Variants in GRM1 observed in about 807,000 individuals in gnomAD.
The protein encoded by GRM1 is glutamate metabotropic receptor 1.
Under a neutral mutation model 90.9 loss-of-function variants are expected in GRM1, and 33 were observed. That is an observed-to-expected ratio of 0.36 (90% confidence interval 0.28 to 0.49). The LOEUF (loss-of-function observed/expected upper bound fraction) is 0.49. Among genes scored for constraint, GRM1 ranks in the 20% least tolerant of loss-of-function variants. The probability of loss-of-function intolerance (pLI) is 0.99; values close to 1 mark genes in which losing one functional copy is unlikely to be tolerated. For missense variants in GRM1, 1,190 were observed against 1,534.3 expected, an observed-to-expected ratio of 0.78 and a Z score of 3.75; for synonymous variants, 700 against 613.2, an observed-to-expected ratio of 1.14 and a Z score of -2.09.
At chr6:146,411,155 G>T (rs1466629350) in intron 7 of GRM1, among the ~76,000 whole-genome samples, 1 of 152,198 alleles carries the variant, frequency 6.6e-6, no homozygotes, top group Non-Finnish European at 1.5e-5. Context: ...GTGTTTCTAT[G>T]AGAAGTACGG....
intron 2 of GRM1, among the ~76,000 whole-genome samples, chr6:146,165,537 G>A (rs568511621): frequency 2.8e-4 from 43 of 152,246 alleles, no homozygotes; most frequent in Middle Eastern, 6.8e-3. Flanking sequence ...CAGCAAGGCA[G>A]ATAAGCATTT....
At position 146,352,401 on chromosome 6, in the gene GRM1, C is replaced by A; in HGVS notation, c.1338C>A (p.Asp446Glu). Residue 446 changes from aspartate (D) to glutamate (E), a missense_variant, in exon 4 of 8, where the codon GAC (aspartate) becomes GAA (glutamate). Physicochemically the swap from Asp to Glu is conservative, Grantham distance 45. Coordinates refer to ENST00000282753, the MANE Select transcript of GRM1 (RefSeq NM_001278064.2). Reference protein sequence around the residue: ...VGLCDAMKPIDGSKLLDFLIK... With the variant: ...VGLCDAMKPIEGSKLLDFLIK... ...TCTGCGATGCCATGAAGCCCATCGA[C>A]GGCAGCAAGCTGCTGGACTTCCTCA... The A allele has an allele frequency of 6.2e-7, 1 of 1,614,070 alleles. No individual in the cohort carries two copies. The highest frequency in any genetic ancestry group is 8.5e-7 in the Non-Finnish European group (1 of 1,179,882).
intron 2 of GRM1, among the ~76,000 whole-genome samples, chr6:146,249,947 A>T (rs1396953498): frequency 6.6e-6 from 1 of 152,052 alleles, no homozygotes; most frequent in Non-Finnish European, 1.5e-5. Flanking sequence ...GTCAAAGGAG[A>T]TTATTTTGGA....
Position 146,387,157 on chromosome 6 carries a change from A to G in GRM1, c.1729+141A>G. ...CTTTTTAGTCCTCATGTCAAGGAGT[A>G]TACATAAACCTCATAAGTTTTCTAT... On this transcript the variant is annotated intron_variant, in intron 6 of 7. Coordinates refer to ENST00000282753, the MANE Select transcript of GRM1 (RefSeq NM_001278064.2). 4.8e-6 allele frequency: 4 copies of G among 836,068 alleles called. No individual in the cohort carries two copies. The South Asian group carries it at 5.4e-5, about 11-fold the overall frequency. 51.8% of individuals were successfully genotyped at this position (836,068 alleles called of 1,614,324 possible). A position where few individuals can be genotyped will look rare whatever the true frequency, so the allele number is the denominator to read the frequency against.
At chr6:146,293,656 A>C (rs1469772806) in intron 2 of GRM1, among the ~76,000 whole-genome samples, 1 of 151,874 alleles carries the variant, frequency 6.6e-6, no homozygotes, top group African/African-American at 2.4e-5. Flanking sequence ...TCATTTTTTA[A>C]ATCTCTGGTT....
chr6:146,141,403 C>A (rs929923098), intron 1 of GRM1, among the ~76,000 whole-genome samples: 4 of 150,428 alleles, frequency 2.7e-5, no homozygotes, highest in African/African-American at 9.8e-5. Flanking sequence ...CTATAACTTT[C>A]TTGTACTTGA....
At chr6:146,241,862 T>C (rs1780877019) in intron 2 of GRM1, among the ~76,000 whole-genome samples, 1 of 152,142 alleles carries the variant, frequency 6.6e-6, no homozygotes, top group Non-Finnish European at 1.5e-5. Flanking sequence ...AGATAGTAAA[T>C]ATTCTGTTAC....
At chr6:146,187,495 A>G (rs1778775414) in intron 2 of GRM1, among the ~76,000 whole-genome samples, 1 of 152,030 alleles carries the variant, frequency 6.6e-6, no homozygotes, top group Non-Finnish European at 1.5e-5. Flanking sequence ...GCATTAAGGC[A>G]CATTTATAAA....
chr6:146,189,347 A>G (rs745793802), intron 2 of GRM1, among the ~76,000 whole-genome samples: 4 of 152,178 alleles, frequency 2.6e-5, no homozygotes, highest in Non-Finnish European at 4.4e-5. Context: ...CTCTGGGTTA[A>G]GCCACTATGA....
intron 3 of GRM1, among the ~76,000 whole-genome samples, chr6:146,323,172 G>A (rs1401052892): frequency 4.0e-5 from 6 of 151,572 alleles, no homozygotes; most frequent in African/African-American, 9.7e-5. Context: ...CTGAGGAATC[G>A]CCACAGTGGT....
rs79437447 is a variant in GRM1 at position 146,239,465 on chromosome 6, C to T, written c.951-65146C>T. On this transcript the variant is annotated intron_variant, in intron 2 of 7. Transcript: ENST00000282753. ...TCCCCATTGAACTGTGAGTTCCTTG[C>T]GGGCAAGTATTGTGTTCTACTCATC... 8.9e-3 allele frequency among the ~76,000 whole-genome samples: 1,358 copies of T among 152,140 alleles called. 19 individuals carry two copies. Among genetic ancestry groups the T allele is most frequent in the African/African-American group, 0.03 (1,248 of 41,524 alleles).
chr6:146,101,094 TA>T lies in GRM1; in HGVS notation c.701-58245del, dbSNP rs959847152. Among the ~76,000 whole-genome samples the T allele has an allele frequency of 3.8e-4, 57 of 151,750 alleles. 1 individual carries two copies. Among genetic ancestry groups the T allele is most frequent in the South Asian group, 1.5e-3 (7 of 4,800 alleles). On this transcript the variant is annotated intron_variant, in intron 1 of 7. Transcript: ENST00000282753. ...AATGACAAAGTGAGAACCTATCTCATAAAAAAAAATTCAGGAGAAATATTTA... is the reference window on the plus strand; with the variant it reads ...AATGACAAAGTGAGAACCTATCTCATAAAAAAAATTCAGGAGAAATATTTA...
chr6:146,255,974 C>T (rs1781463229), intron 2 of GRM1, among the ~76,000 whole-genome samples: 1 of 152,174 alleles, frequency 6.6e-6, no homozygotes, highest in Admixed American at 6.6e-5. Flanking sequence ...TGACACTATT[C>T]TGGTGCTTTG....
At position 146,281,289 on chromosome 6, in the gene GRM1, C is replaced by T. The variant is rs541231769; in HGVS notation, c.951-23322C>T. Among the ~76,000 whole-genome samples, 17 of 152,250 alleles carry T rather than the reference C, an allele frequency of 1.1e-4. No homozygotes were observed. The East Asian group carries it at 2.9e-3, about 26-fold the overall frequency. ...GAGACTCAGGGACCAGGATTCCAAC[C>T]ACAGCTCTGCTCCTGACTAGTTGTA... is the stretch of plus-strand genomic sequence containing the variant. On this transcript the variant is annotated intron_variant, in intron 2 of 7. Coordinates refer to ENST00000282753, the MANE Select transcript of GRM1 (RefSeq NM_001278064.2).
chr6:146,340,123 G>GA (rs1784916883), intron 3 of GRM1, among the ~76,000 whole-genome samples: 1 of 152,158 alleles, frequency 6.6e-6, no homozygotes, highest in Non-Finnish European at 1.5e-5. Context: ...GGGCACTACT[G>GA]AAAAATCAAT....
Position 146,086,308 on chromosome 6 carries a change from A to G in GRM1, c.700+56091A>G, listed in dbSNP as rs1342270405. ...TCACTGAATCGCACATGTCTGTTTA[A>G]AACTTCAGCTTTCTCTCTGAGGACA... On this transcript the variant is annotated intron_variant, in intron 1 of 7. Transcript: ENST00000282753. Among the ~76,000 whole-genome samples, 5 of 152,148 alleles carry G rather than the reference A, an allele frequency of 3.3e-5. 1 individual carries two copies. Among genetic ancestry groups the G allele is most frequent in the Admixed American group, 3.3e-4 (5 of 15,268 alleles).
At chr6:146,178,554 C>T (rs187515202) in intron 2 of GRM1, among the ~76,000 whole-genome samples, 20 of 152,168 alleles carry the variant, frequency 1.3e-4, no homozygotes, top group Admixed American at 1.2e-3. Flanking sequence ...TAATTTTGTG[C>T]ATGAAACAAA....
At chr6:146,065,564 A>G (rs1012126668) in intron 1 of GRM1, among the ~76,000 whole-genome samples, 1 of 152,196 alleles carries the variant, frequency 6.6e-6, no homozygotes, top group Non-Finnish European at 1.5e-5. Context: ...CATGATTACT[A>G]CCCATTCAGT....
At chr6:146,206,807 C>G (rs190826085) in intron 2 of GRM1, among the ~76,000 whole-genome samples, 2 of 152,098 alleles carry the variant, frequency 1.3e-5, no homozygotes, top group African/African-American at 4.8e-5. Flanking sequence ...TTCTCTCACC[C>G]TCTCCACTAG....
Sources: gnomAD v4.1 joint callset for allele counts (sites outside exome capture counted in the v4.1 genomes callset) on GRCh38, gnomAD v4.1.1 for gene constraint, MANE v1.5 for transcripts, NCBI Gene and HGNC (gene_info 2026-07-23, HGNC 2026-07-21) for gene names.